TMEM62: variants seen among roughly 807,000 people sequenced by gnomAD.
TMEM62 encodes the protein transmembrane protein 62.
TMEM62 carries 41 observed loss-of-function variants against 70.4 expected under a neutral mutation model. The ratio of observed to expected loss-of-function variants is 0.58; its 90% CI spans 0.45 to 0.76. The LOEUF (loss-of-function observed/expected upper bound fraction) is 0.76. Ranked by LOEUF, TMEM62 falls within the 30% of genes least tolerant of loss-of-function variation. The pLI, the probability that TMEM62 is intolerant of heterozygous loss-of-function variation, is 0.00. For synonymous variants in TMEM62, 268 were observed against 291.0 expected (o/e 0.92, Z 0.80); for missense variants, 688 against 788.5 (o/e 0.87, Z 1.53).
intron 10 of TMEM62, among the ~76,000 whole-genome samples, chr15:43,167,211 G>A (rs1388352550): frequency 2.0e-5 from 3 of 151,204 alleles, no homozygotes; most frequent in Non-Finnish European, 4.4e-5. Flanking sequence ...GCCGGGCGGG[G>A]GGCTGACCCC....
intron 5 of TMEM62, among the ~76,000 whole-genome samples, 195 bp from the exon 6 acceptor site, chr15:43,148,560 T>G (rs1329261196): frequency 6.6e-6 from 1 of 152,214 alleles, no homozygotes; most frequent in African/African-American, 2.4e-5. Flanking sequence ...TTATTTTTAG[T>G]ATCAAATGAA....
At chr15:43,176,841 G>C (rs1363987644) in intron 11 of TMEM62, among the ~76,000 whole-genome samples, 1 of 152,126 alleles carries the variant, frequency 6.6e-6, no homozygotes, top group African/African-American at 2.4e-5. Context: ...GACGGAGAAT[G>C]ACTTTGACAA....
At chr15:43,174,685 T>C (rs888491317) in intron 11 of TMEM62, among the ~76,000 whole-genome samples, 1 of 152,210 alleles carries the variant, frequency 6.6e-6, no homozygotes, top group East Asian at 1.9e-4. Flanking sequence ...CAAGGTTTCA[T>C]AGCTAATAAG....
At chr15:43,145,309 A>G (rs2036536664) in intron 4 of TMEM62, among the ~76,000 whole-genome samples, 1 of 146,400 alleles carries the variant, frequency 6.8e-6, no homozygotes, top group Non-Finnish European at 1.5e-5. Context: ...GGTTCAAGCC[A>G]TTGTCCTGCC....
intron 3 of TMEM62, 119 bp from the exon 4 acceptor site, chr15:43,138,455 G>A (rs1369794972): frequency 1.3e-6 from 1 of 785,282 alleles, no homozygotes; most frequent in Non-Finnish European, 2.1e-6. Context: ...CTCTACCCTG[G>A]GGGTGTGTGT....
chr15:43,181,215 A>C lies in TMEM62; in HGVS notation c.1521A>C (p.Lys507Asn). ...TTTTTGGTGAAATCATTGATGGCAA[A>C]TTTGGTTGCTGCTTTTCCTTTGGGA... is the stretch of plus-strand genomic sequence containing the variant. Reference protein sequence around the residue: ...PWFFGEIIDGKFGCCFSFGIF... With the variant: ...PWFFGEIIDGNFGCCFSFGIF... Residue 507 changes from lysine (K) to asparagine (N), a missense_variant, in exon 13 of 14, where the codon AAA becomes AAC. Physicochemically the swap from Lys to Asn is moderately conservative, Grantham distance 94. Coordinates refer to ENST00000260403, the MANE Select transcript of TMEM62 (RefSeq NM_024956.4). 1 of 1,613,944 alleles carries C rather than the reference A, an allele frequency of 6.2e-7. No homozygotes were observed. The highest frequency in any genetic ancestry group is 8.5e-7 in the Non-Finnish European group (1 of 1,179,946).
chr15:43,178,580 T>C, intron 11 of TMEM62, 27 bp from the exon 12 acceptor site: 1 of 1,456,296 alleles, frequency 6.9e-7, no homozygotes, highest in Non-Finnish European at 9.6e-7. Context: ...ATGTGTTCAC[T>C]GGGTTTTTCA....
At chr15:43,140,165 G>T (rs2035799456) in intron 4 of TMEM62, among the ~76,000 whole-genome samples, 1 of 152,158 alleles carries the variant, frequency 6.6e-6, no homozygotes, top group African/African-American at 2.4e-5. Flanking sequence ...TTTTCCGCTT[G>T]TAGATTTTGC....
At position 43,134,332 on chromosome 15, in the gene TMEM62, A is replaced by G. The variant is rs1567169181; in HGVS notation, c.256A>G (p.Ile86Val). The G allele has an allele frequency of 3.7e-6, 6 of 1,614,110 alleles. No homozygotes were observed. In the East Asian group the frequency reaches 1.1e-4, roughly 30 times the overall value. Residue 86 changes from isoleucine to valine, a missense_variant, in exon 2 of 14, where the codon ATT (isoleucine) becomes GTT (valine). By Grantham distance (29) the Ile-to-Val change is conservative. Transcript: ENST00000260403. ...VDLEKFCSET[I>V]DIIQPALVLA... Reference sequence around the variant, plus strand: ...CTTAGAGAAATTCTGTTCTGAAACTATTGACATCATTCAACCAGCTCTCGT... The same window carrying G: ...CTTAGAGAAATTCTGTTCTGAAACTGTTGACATCATTCAACCAGCTCTCGT...
chr15:43,147,527 G>A (rs1596241653), intron 5 of TMEM62, among the ~76,000 whole-genome samples: 2 of 152,268 alleles, frequency 1.3e-5, no homozygotes, highest in African/African-American at 4.8e-5. Flanking sequence ...TAATCTAGTG[G>A]TGAGGTATAA....
At chr15:43,165,521 C>T (rs536505190) in intron 10 of TMEM62, among the ~76,000 whole-genome samples, 5 of 151,936 alleles carry the variant, frequency 3.3e-5, no homozygotes, top group Admixed American at 6.6e-5. Context: ...ATCACAAGGT[C>T]GGGAGATAGA....
At chr15:43,168,394 A>G (rs2039823161) in intron 10 of TMEM62, among the ~76,000 whole-genome samples, 1 of 151,930 alleles carries the variant, frequency 6.6e-6, no homozygotes, top group Non-Finnish European at 1.5e-5. Context: ...GCTACTGCTG[A>G]TGTTTATTCA....
At chr15:43,140,732 C>T (rs910870364) in intron 4 of TMEM62, among the ~76,000 whole-genome samples, 1 of 152,200 alleles carries the variant, frequency 6.6e-6, no homozygotes, top group Non-Finnish European at 1.5e-5. Flanking sequence ...AGAAACTCTG[C>T]CGGAAGAGCT....
intron 9 of TMEM62, among the ~76,000 whole-genome samples, chr15:43,155,934 T>C (rs1047475043): frequency 1.7e-4 from 26 of 152,162 alleles, no homozygotes; most frequent in African/African-American, 6.3e-4. Flanking sequence ...GCATTTAATT[T>C]ATTAGCACCT....
chr15:43,174,754 A>C (rs112266440), intron 11 of TMEM62, among the ~76,000 whole-genome samples: 2,089 of 152,330 alleles, frequency 0.014, 40 homozygotes, highest in African/African-American at 0.048. Flanking sequence ...CTTTCCTCTA[A>C]ACAAGACTTT....
In TMEM62 at chr15:43,133,841, G is replaced by C; in HGVS notation, c.39G>C (p.Leu13Phe). The part of the protein sequence containing the change: ...AVLALRVVAG[L>F]AAAALVAMLL... ...TGGCTCTCAGGGTGGTCGCGGGGTT[G>C]GCGGCCGCAGCGCTGGTGGCCATGC... Residue 13 changes from leucine (L) to phenylalanine (F), a missense_variant, in exon 1 of 14, where the codon TTG becomes TTC. Leu to Phe is a conservative substitution (Grantham distance 22, BLOSUM62 0). Transcript: ENST00000260403. 1.4e-6 allele frequency: 2 copies of C among 1,459,050 alleles called. No individual in the cohort carries two copies. Among genetic ancestry groups the C allele is most frequent in the Non-Finnish European group, 1.8e-6 (2 of 1,112,864 alleles). 90.4% of individuals were successfully genotyped at this position (1,459,050 alleles called of 1,614,324 possible). A position where few individuals can be genotyped will look rare whatever the true frequency, so the allele number is the denominator to read the frequency against.
intron 10 of TMEM62, among the ~76,000 whole-genome samples, chr15:43,167,540 G>T (rs1485112032): frequency 6.6e-6 from 1 of 151,954 alleles, no homozygotes; most frequent in Non-Finnish European, 1.5e-5. Flanking sequence ...GCCGGGCAGA[G>T]ACGCTCCTCA....
chr15:43,184,790 C>G lies in TMEM62; in HGVS notation c.*204C>G, dbSNP rs1180594622. 2 of 584,746 alleles carry G rather than the reference C, an allele frequency of 3.4e-6. No homozygotes were observed. The highest frequency in any genetic ancestry group is 5.6e-5 in the East Asian group (2 of 35,840). 36.2% of individuals were successfully genotyped at this position (584,746 alleles called of 1,614,324 possible). ...CTGCAGAAAAGTCTCAAAAATAATGCCTTTATTCCTTCCCTCCCTAAGGAG... is the reference window on the plus strand; with the variant it reads ...CTGCAGAAAAGTCTCAAAAATAATGGCTTTATTCCTTCCCTCCCTAAGGAG... On this transcript the variant is annotated 3_prime_UTR_variant, in exon 14 of 14. Coordinates refer to ENST00000260403, the MANE Select transcript of TMEM62 (RefSeq NM_024956.4).
chr15:43,177,910 A>G (rs2040931296), intron 11 of TMEM62, among the ~76,000 whole-genome samples: 1 of 151,882 alleles, frequency 6.6e-6, no homozygotes, highest in Non-Finnish European at 1.5e-5. Context: ...TGACGAGTTA[A>G]TGGGTGCAGC....
Sources: gnomAD v4.1 joint callset for allele counts (sites outside exome capture counted in the v4.1 genomes callset) on GRCh38, gnomAD v4.1.1 for gene constraint, MANE v1.5 for transcripts, NCBI Gene and HGNC (gene_info 2026-07-23, HGNC 2026-07-21) for gene names.